The following SLC7A1 variants were observed in gnomAD, a reference collection of about 807,000 sequenced individuals.
SLC7A1 encodes the protein solute carrier family 7 member 1.
Under a neutral mutation model 53.9 loss-of-function variants are expected in SLC7A1, and 10 were observed. That is an observed-to-expected ratio of 0.19 (90% CI 0.11 to 0.31). The LOEUF (loss-of-function observed/expected upper bound fraction) is 0.31, where lower values mean the gene tolerates loss of function less well. SLC7A1 is among the 10% of genes least tolerant of loss of function. The probability of loss-of-function intolerance (pLI) is 1.00; values close to 1 mark genes in which losing one functional copy is unlikely to be tolerated. For synonymous variants in SLC7A1, 342 were observed against 338.7 expected, an observed-to-expected ratio of 1.01 and a Z score of -0.11; for missense variants, 525 against 827.2, an observed-to-expected ratio of 0.63 and a Z score of 4.48.
chr13:29,550,710 G>C (rs965868767), intron 2 of SLC7A1, among the ~76,000 whole-genome samples: 1 of 152,204 alleles, frequency 6.6e-6, no homozygotes, highest in African/African-American at 2.4e-5. Flanking sequence ...ACCAAGCCCA[G>C]GCCAGCATCC....
intron 5 of SLC7A1, among the ~76,000 whole-genome samples, chr13:29,526,148 A>G (rs1159862400): frequency 1.3e-5 from 2 of 152,190 alleles, no homozygotes; most frequent in African/African-American, 4.8e-5. Flanking sequence ...AAAAGCCCCC[A>G]GATCCCCACT....
At chr13:29,583,373 G>C (rs1427090637) in intron 1 of SLC7A1, among the ~76,000 whole-genome samples, 2 of 152,202 alleles carry the variant, frequency 1.3e-5, no homozygotes, top group Non-Finnish European at 2.9e-5. Flanking sequence ...CTGCTCCCAA[G>C]TACCTCCCCA....
At chr13:29,575,566 T>C (rs1871376087) in intron 1 of SLC7A1, among the ~76,000 whole-genome samples, 2 of 152,218 alleles carry the variant, frequency 1.3e-5, no homozygotes, top group African/African-American at 4.8e-5. Flanking sequence ...TGCTATTAAG[T>C]ATTACTTGCC....
intron 1 of SLC7A1, among the ~76,000 whole-genome samples, chr13:29,576,618 G>A (rs941332196): frequency 2.0e-5 from 3 of 152,172 alleles, no homozygotes; most frequent in South Asian, 4.1e-4. Context: ...CACTTGGTCT[G>A]TTCATTTGCT....
At chr13:29,572,064 C>T (rs9508495) in intron 1 of SLC7A1, among the ~76,000 whole-genome samples, 89,478 of 152,168 alleles carry the variant, frequency 0.59, 29,468 homozygotes, top group Non-Finnish European at 0.75. Context: ...GGCCTGATGG[C>T]CAGTGGCCAA....
intron 1 of SLC7A1, among the ~76,000 whole-genome samples, chr13:29,590,656 A>G (rs1405644889): frequency 6.6e-6 from 1 of 152,150 alleles, no homozygotes; most frequent in African/African-American, 2.4e-5. Flanking sequence ...TGGGATGGTG[A>G]ACCTGTCAGC....
chr13:29,563,447 C>T (rs1163568249), intron 1 of SLC7A1, among the ~76,000 whole-genome samples: 1 of 152,164 alleles, frequency 6.6e-6, no homozygotes, highest in Non-Finnish European at 1.5e-5. Flanking sequence ...AACATATTTA[C>T]AGGAAAGCGA....
rs746536517 is a variant in SLC7A1 at position 29,523,389 on chromosome 13, G to A, written c.926C>T (p.Thr309Met). ...IAYFGVSAALTLMMPYFCLDN... is the reference protein window; with the variant it reads ...IAYFGVSAALMLMMPYFCLDN... ...CAGGCAGAAGTAGGGCATCATGAGC[G>A]TGAGGGCAGCCGACACCCCAAAGTA... Residue 309 changes from threonine (T) to methionine (M), a missense_variant, in exon 7 of 13, where the codon ACG (threonine) becomes ATG (methionine). By Grantham distance (81) the Thr-to-Met change is moderately conservative. Coordinates refer to ENST00000380752, the MANE Select transcript of SLC7A1 (RefSeq NM_003045.5). The A allele has an allele frequency of 3.9e-5, 63 of 1,613,756 alleles. No individual in the cohort carries two copies. Among genetic ancestry groups the A allele is most frequent in the Middle Eastern group, 3.3e-4 (2 of 6,084 alleles).
intron 1 of SLC7A1, among the ~76,000 whole-genome samples, chr13:29,591,763 AG>A (rs1484784291): frequency 2.0e-5 from 3 of 152,242 alleles, no homozygotes; most frequent in Non-Finnish European, 4.4e-5. Flanking sequence ...TAGTCCTACC[AG>A]AAGAAGGGAC....
chr13:29,544,954 T>C (rs1198074702), intron 2 of SLC7A1, among the ~76,000 whole-genome samples: 1 of 151,438 alleles, frequency 6.6e-6, no homozygotes, highest in Non-Finnish European at 1.5e-5. Flanking sequence ...CTGATCATCC[T>C]TCTATGCCCC....
At chr13:29,522,257 CTAGGGAG>C in intron 8 of SLC7A1, 53 bp downstream of exon 8, 1 of 1,573,280 alleles carries the variant, frequency 6.4e-7, no homozygotes, top group Non-Finnish European at 8.7e-7. Flanking sequence ...AGACGTCTCC[CTAGGGAG>C]TAATGACTCC....
chr13:29,516,269 C>T (rs747900863), intron 11 of SLC7A1, 23 bp from the exon 12 acceptor site: 4 of 1,482,070 alleles, frequency 2.7e-6, no homozygotes, highest in Non-Finnish European at 3.8e-6. Context: ...GAGGTGGCTT[C>T]AATCCATGGC....
chr13:29,580,621 C>T (rs923641934), intron 1 of SLC7A1, among the ~76,000 whole-genome samples: 1 of 152,154 alleles, frequency 6.6e-6, no homozygotes, highest in African/African-American at 2.4e-5. Flanking sequence ...GATTGATTTT[C>T]CCTCTCCAGC....
chr13:29,545,644 C>A (rs1869886747), intron 2 of SLC7A1, among the ~76,000 whole-genome samples: 1 of 152,164 alleles, frequency 6.6e-6, no homozygotes, highest in African/African-American at 2.4e-5. Flanking sequence ...CCAATTACAA[C>A]CTGTTGGTCA....
intron 1 of SLC7A1, among the ~76,000 whole-genome samples, chr13:29,592,379 A>C (rs1368215833): frequency 6.6e-6 from 1 of 152,230 alleles, no homozygotes; most frequent in East Asian, 1.9e-4. Flanking sequence ...TCTGAAGCCC[A>C]AGTTCCTGGG....
At chr13:29,555,378 A>AAAAAAAAAAAAAAAC (rs1870392784) in intron 1 of SLC7A1, among the ~76,000 whole-genome samples, 1 of 142,806 alleles carries the variant, frequency 7.0e-6, no homozygotes, top group East Asian at 2.0e-4. Context: ...AAAAAAAAAA[A>AAAAAAAAAAAAAAAC]AAAGAATTAC....
chr13:29,530,633 G>A lies in SLC7A1; in HGVS notation c.609C>T (p.Phe203=). The A allele has an allele frequency of 6.2e-7, 1 of 1,614,038 alleles. No homozygotes were observed. Among genetic ancestry groups the A allele is most frequent in the Admixed American group, 1.7e-5 (1 of 60,006 alleles). Residue 203 remains phenylalanine, a synonymous_variant, in exon 5 of 13, where the codon TTC becomes TTT. Transcript: ENST00000380752. ...CTTTCACAAATCCTGACACCATTAT[G>A]AAGCCCAGGACCAGGACGTTAATAC... is the stretch of plus-strand genomic sequence containing the variant. ...FTCINVLVLG[F]IMVSGFVKGS... is the part of the protein sequence containing the mutation.
At chr13:29,538,522 G>C (rs1368406459) in intron 2 of SLC7A1, among the ~76,000 whole-genome samples, 2 of 152,182 alleles carry the variant, frequency 1.3e-5, no homozygotes, top group African/African-American at 4.8e-5. Flanking sequence ...CGGCTTCCTA[G>C]GCAGTTAAGT....
intron 2 of SLC7A1, among the ~76,000 whole-genome samples, chr13:29,553,364 G>A (rs897928453): frequency 3.9e-5 from 6 of 152,148 alleles, no homozygotes; most frequent in African/African-American, 7.2e-5. Flanking sequence ...CACAGAGCAC[G>A]AGACACAGCG....
Sources: gnomAD v4.1 joint callset for allele counts (sites outside exome capture counted in the v4.1 genomes callset) on GRCh38, gnomAD v4.1.1 for gene constraint, MANE v1.5 for transcripts, NCBI Gene and HGNC (gene_info 2026-07-23, HGNC 2026-07-21) for gene names.